The following LHX8 variants were observed in gnomAD, a reference collection of about 807,000 sequenced individuals.
The protein encoded by LHX8 is LIM homeobox 8, also known as LIM/homeobox protein Lhx8.
In LHX8, 12 loss-of-function variants were observed where a neutral mutation model predicts 40.3. That is an observed-to-expected ratio of 0.30 (90% CI 0.19 to 0.48). The LOEUF is 0.48. LHX8 is among the 20% of genes least tolerant of loss of function. The pLI is 0.99. For synonymous variants in LHX8, 179 were observed against 162.0 expected (o/e 1.10, Z -0.80); for missense variants, 344 against 433.7 (o/e 0.79, Z 1.84).
upstream of LHX8, chr1:75,130,725 T>C (rs202103118): frequency 5.0e-5 from 80 of 1,614,190 alleles, no homozygotes; most frequent in East Asian, 1.6e-3. Flanking sequence ...ATGCAGATTC[T>C]GAGCAGGGTA....
Position 75,144,905 on chromosome 1 carries a change from T to G in LHX8, c.684+957T>G, listed in dbSNP as rs535149617. ...TAGTATTCTAAGACCTGCCAGTATT[T>G]AAGATGGATACAAGTGTTTCAGGAG... is the stretch of plus-strand genomic sequence containing the variant. On this transcript the variant is annotated intron_variant, in intron 6 of 8. Coordinates refer to ENST00000356261, the MANE Select transcript of LHX8 (RefSeq NM_001256114.2). Among the ~76,000 whole-genome samples, 10 of 152,268 alleles carry G rather than the reference T, an allele frequency of 6.6e-5. No homozygotes were observed. The East Asian group carries it at 1.9e-3, about 29-fold the overall frequency.
At chr1:75,131,157 T>A, upstream of LHX8, 6 of 288,070 alleles carry the variant, frequency 2.1e-5, no homozygotes, top group Admixed American at 4.2e-5. Context: ...TCTCTCAGGC[T>A]CCAGCTGTGC....
downstream of LHX8, among the ~76,000 whole-genome samples, chr1:75,165,866 C>A (rs565358137): frequency 6.6e-6 from 1 of 152,306 alleles, no homozygotes; most frequent in Non-Finnish European, 1.5e-5. Flanking sequence ...TCTTTTTACA[C>A]CATTTAGCAT....
the LHX8 span, among the ~76,000 whole-genome samples, chr1:75,195,491 CTG>C: frequency 1.3e-5 from 2 of 152,112 alleles, no homozygotes; most frequent in African/African-American, 4.8e-5. Flanking sequence ...ATTCCCACCT[CTG>C]AGTCTTATTT....
At chr1:75,192,511 C>A in the LHX8 span, among the ~76,000 whole-genome samples, 507 of 152,298 alleles carry the variant, frequency 3.3e-3, 6 homozygotes, top group Non-Finnish European at 2.6e-3. Context: ...TCTACTGAGG[C>A]ACCTGTCAAA....
At position 75,137,216 on chromosome 1, in the gene LHX8, G is replaced by A. The variant is rs745983770; in HGVS notation, c.192G>A (p.Val64=). The change falls in exon 3 of 9, where the codon GTG becomes GTA. Residue 64 remains valine, a synonymous_variant. Transcript: ENST00000356261. ...SGSGCPPGKC[V]CNSCGLEIVD... is the part of the protein sequence containing the mutation. The stretch of plus-strand genomic sequence containing the variant: ...CCGGCTGCCCTCCTGGCAAGTGTGT[G>A]TGCAACAGTTGCGGCCTGGAGATCG... The A allele has an allele frequency of 6.2e-7, 1 of 1,613,664 alleles. No homozygotes were observed.
At chr1:75,131,125 T>A (rs969809046), upstream of LHX8, 60 of 330,812 alleles carry the variant, frequency 1.8e-4, no homozygotes, top group African/African-American at 1.2e-3. Context: ...GAGTCCTGGA[T>A]GCGCCTCCTT....
At chr1:75,170,529 G>A in the LHX8 span, among the ~76,000 whole-genome samples, 1 of 152,256 alleles carries the variant, frequency 6.6e-6, no homozygotes, top group Admixed American at 6.5e-5. Context: ...ACTGCAGAGT[G>A]CTTAAAAATC....
In LHX8 at chr1:75,137,253, C is replaced by G; in HGVS notation, c.229C>G (p.Leu77Val). The change falls in exon 3 of 9, where the codon CTT (leucine) becomes GTT (valine). Residue 77 changes from leucine (L) to valine (V), a missense_variant. Transcript: ENST00000356261. Reference protein sequence around the residue: ...SCGLEIVDKYLLKVNDLCWHV... With the variant: ...SCGLEIVDKYVLKVNDLCWHV... ...CGGCCTGGAGATCGTGGACAAATACCTTCTCAAGGTAGGATAGGGCCTCGG... is the reference window on the plus strand; with the variant it reads ...CGGCCTGGAGATCGTGGACAAATACGTTCTCAAGGTAGGATAGGGCCTCGG... The G allele has an allele frequency of 6.2e-7, 1 of 1,613,578 alleles. No individual in the cohort carries two copies. The highest frequency in any genetic ancestry group is 8.5e-7 in the Non-Finnish European group (1 of 1,179,974).
intron 2 of LHX8, 40 bp from the exon 3 acceptor site, chr1:75,137,060 G>A (rs773406436): frequency 1.3e-6 from 2 of 1,561,584 alleles, no homozygotes; most frequent in Admixed American, 1.8e-5. Context: ...CGAAGGGGAG[G>A]AGGGGTCTAG....
rs1243595878 is a variant in LHX8, at chr1:75,136,650, G to T, written c.36G>T (p.Ala12=). The T allele has an allele frequency of 1.9e-6, 3 of 1,549,148 alleles. No homozygotes were observed. The South Asian group carries it at 3.6e-5, about 18-fold the overall frequency. The change falls in exon 2 of 9, where the codon GCG becomes GCT. Residue 12 remains alanine, a synonymous_variant. Coordinates refer to ENST00000356261, the MANE Select transcript of LHX8 (RefSeq NM_001256114.2). The part of the protein sequence containing the change: ...SEECGRTTAL[A]AGRTRKGAGE... ...AGTGCGGGCGGACTACAGCCCTGGCGGCCGGGAGGACTCGCAAAGGCGCCG... is the reference window on the plus strand; with the variant it reads ...AGTGCGGGCGGACTACAGCCCTGGCTGCCGGGAGGACTCGCAAAGGCGCCG...
At chr1:75,185,068 C>T in the LHX8 span, among the ~76,000 whole-genome samples, 1 of 151,638 alleles carries the variant, frequency 6.6e-6, no homozygotes, top group Non-Finnish European at 1.5e-5. Flanking sequence ...AAATTGATTC[C>T]CTGAACAAAC....
chr1:75,160,699 G>A, intron 8 of LHX8, 120 bp from the exon 9 acceptor site: 1 of 752,134 alleles, frequency 1.3e-6, no homozygotes. Context: ...AATGAGTGTA[G>A]CTTGGTGCCC....
chr1:75,132,770 C>G (rs1437131836), upstream of LHX8: 1 of 151,958 alleles, frequency 6.6e-6, no homozygotes, highest in Admixed American at 6.6e-5. Context: ...CACACACACA[C>G]ACACACACAC....
chr1:75,165,830 T>C (rs546941605), downstream of LHX8, among the ~76,000 whole-genome samples: 14 of 152,242 alleles, frequency 9.2e-5, no homozygotes, highest in African/African-American at 2.6e-4. Flanking sequence ...TTAGCAAATA[T>C]CTTATATACC....
chr1:75,165,947 C>A (rs111554683), downstream of LHX8, among the ~76,000 whole-genome samples: 318 of 152,286 alleles, frequency 2.1e-3, 2 homozygotes, highest in African/African-American at 7.2e-3. Flanking sequence ...ACACTTAAGC[C>A]TCCCTGCATG....
chr1:75,177,866 TGA>T, the LHX8 span, among the ~76,000 whole-genome samples: 3 of 152,212 alleles, frequency 2.0e-5, no homozygotes, highest in South Asian at 6.2e-4. Flanking sequence ...CCTAGTTTAT[TGA>T]GAGTTTTTAG....
downstream of LHX8, among the ~76,000 whole-genome samples, chr1:75,163,554 T>C (rs1648973020): frequency 6.6e-6 from 1 of 152,192 alleles, no homozygotes; most frequent in Non-Finnish European, 1.5e-5. Flanking sequence ...ATTTTTACTC[T>C]TTTGAAACAC....
upstream of LHX8, chr1:75,130,528 A>T: frequency 1.5e-6 from 1 of 673,932 alleles, no homozygotes; most frequent in East Asian, 2.6e-5. Flanking sequence ...GTCTTGGCCC[A>T]CAGTGGGAGA....
Sources: allele counts gnomAD v4.1 joint callset (sites outside exome capture counted in the v4.1 genomes callset), GRCh38; gene constraint gnomAD v4.1.1; transcripts MANE v1.5; gene names NCBI Gene and HGNC (gene_info 2026-07-23, HGNC 2026-07-21).